The following HS3ST5 variants were observed in gnomAD, a reference collection of about 807,000 sequenced individuals.
HS3ST5 encodes the protein heparan sulfate-glucosamine 3-sulfotransferase 5.
Under a neutral mutation model 25.4 loss-of-function variants are expected in HS3ST5, and 10 were observed. That is an observed-to-expected ratio of 0.39 (90% confidence interval 0.24 to 0.67). The LOEUF (loss-of-function observed/expected upper bound fraction) is 0.67. HS3ST5 is among the 30% of genes least tolerant of loss of function. The pLI is 0.44. For synonymous variants in HS3ST5, 170 were observed against 162.4 expected, an observed-to-expected ratio of 1.05 and a Z score of -0.36; for missense variants, 324 against 420.7, an observed-to-expected ratio of 0.77 and a Z score of 2.01.
chr6:114,073,115 C>T (rs1773920220), intron 3 of HS3ST5, among the ~76,000 whole-genome samples: 1 of 152,168 alleles, frequency 6.6e-6, no homozygotes, highest in Non-Finnish European at 1.5e-5. Flanking sequence ...AACTGGATCC[C>T]TTCCTTACAC....
chr6:114,290,653 G>A (rs1221929525), intron 1 of HS3ST5, among the ~76,000 whole-genome samples: 1 of 152,076 alleles, frequency 6.6e-6, no homozygotes, highest in Non-Finnish European at 1.5e-5. Context: ...ATGCCAGATG[G>A]TATATCAGAG....
chr6:114,141,930 G>C (rs1369860088), intron 3 of HS3ST5, among the ~76,000 whole-genome samples: 2 of 150,794 alleles, frequency 1.3e-5, no homozygotes, highest in Non-Finnish European at 3.0e-5. Context: ...CCTGCCATGC[G>C]AATGGCTCTC....
chr6:114,092,503 A>T (rs1323971508), intron 3 of HS3ST5, among the ~76,000 whole-genome samples: 1 of 152,188 alleles, frequency 6.6e-6, no homozygotes, highest in Non-Finnish European at 1.5e-5. Flanking sequence ...GGTTTTATGG[A>T]TCACAAGAGG....
chr6:114,214,282 A>T (rs986092031), intron 2 of HS3ST5, among the ~76,000 whole-genome samples: 5 of 152,188 alleles, frequency 3.3e-5, no homozygotes, highest in Admixed American at 6.6e-5. Flanking sequence ...ACTTTTAACT[A>T]AACATTCCAG....
intron 3 of HS3ST5, among the ~76,000 whole-genome samples, chr6:114,073,067 G>C (rs1773917452): frequency 6.6e-6 from 1 of 152,144 alleles, no homozygotes; most frequent in Non-Finnish European, 1.5e-5. Flanking sequence ...TTAATAAATG[G>C]TGCTGGGAAA....
chr6:114,086,804 G>A (rs1774861812), intron 3 of HS3ST5, among the ~76,000 whole-genome samples: 1 of 152,190 alleles, frequency 6.6e-6, no homozygotes, highest in South Asian at 2.1e-4. Context: ...TCACCTTCAA[G>A]AGATACATTG....
At chr6:114,192,987 T>A (rs903389391) in intron 2 of HS3ST5, among the ~76,000 whole-genome samples, 8 of 152,198 alleles carry the variant, frequency 5.3e-5, no homozygotes, top group African/African-American at 1.9e-4. Context: ...CCCCACCTTT[T>A]TAAAAGTTTA....
Position 114,062,786 on chromosome 6 carries a change from G to A in HS3ST5, c.60C>T (p.Ala20=), listed in dbSNP as rs769961503. The A allele has an allele frequency of 8.7e-6, 14 of 1,613,908 alleles. No homozygotes were observed. Among genetic ancestry groups the A allele is most frequent in the East Asian group, 2.2e-5 (1 of 44,876 alleles). The change falls in exon 4 of 5, where the codon GCC becomes GCT. Residue 20 remains alanine, a synonymous_variant. Coordinates refer to ENST00000312719, the MANE Select transcript of HS3ST5 (RefSeq NM_153612.4). ...CGACTAGATACAGGAGACTCCCAAC[G>A]GCAAGGCTTCCCAGCACCAGGAGCT... ...RQKLLVLGSL[A]VGSLLYLVAR...
chr6:114,284,948 T>C (rs927262062), intron 1 of HS3ST5, among the ~76,000 whole-genome samples: 15 of 152,102 alleles, frequency 9.9e-5, no homozygotes, highest in Admixed American at 2.0e-4. Flanking sequence ...CTATATAATA[T>C]GACCCATTAT....
intron 3 of HS3ST5, among the ~76,000 whole-genome samples, chr6:114,128,453 T>C (rs1264898789): frequency 6.6e-6 from 1 of 151,872 alleles, no homozygotes; most frequent in Non-Finnish European, 1.5e-5. Flanking sequence ...TGTCAGGCAC[T>C]TTTCCAAGGC....
chr6:114,201,670 C>T (rs1343048144), intron 2 of HS3ST5, among the ~76,000 whole-genome samples: 1 of 152,118 alleles, frequency 6.6e-6, no homozygotes, highest in Admixed American at 6.5e-5. Context: ...GGTCCGTTCT[C>T]AGGCTGCTAA....
At chr6:114,153,605 T>G (rs1778562362) in intron 3 of HS3ST5, among the ~76,000 whole-genome samples, 1 of 152,206 alleles carries the variant, frequency 6.6e-6, no homozygotes, top group Non-Finnish European at 1.5e-5. Flanking sequence ...TCTCATTCAT[T>G]TGCTCTTCTG....
At chr6:114,224,001 C>T (rs1250632885) in intron 2 of HS3ST5, among the ~76,000 whole-genome samples, 1 of 151,540 alleles carries the variant, frequency 6.6e-6, no homozygotes, top group Non-Finnish European at 1.5e-5. Context: ...GATCATATAC[C>T]TTCATTATGT....
At position 114,138,461 on chromosome 6, in the gene HS3ST5, AG is replaced by A. The variant is rs1777744606; in HGVS notation, c.-33+29889del. 2.6e-5 allele frequency among the ~76,000 whole-genome samples: 4 copies of A among 152,298 alleles called. No individual in the cohort carries two copies. The South Asian group carries it at 8.3e-4, about 32-fold the overall frequency. Reference sequence around the variant, plus strand: ...ATGGAATGGTGGAAATGTGGGCAAAAGGTCTTGATGTCTGAAGAGGCCACAT... The same window carrying A: ...ATGGAATGGTGGAAATGTGGGCAAAAGTCTTGATGTCTGAAGAGGCCACAT... On this transcript the variant is annotated intron_variant, in intron 3 of 4. Coordinates refer to ENST00000312719, the MANE Select transcript of HS3ST5 (RefSeq NM_153612.4).
intron 2 of HS3ST5, among the ~76,000 whole-genome samples, chr6:114,201,164 T>A (rs917391176): frequency 6.6e-6 from 1 of 152,202 alleles, no homozygotes; most frequent in African/African-American, 2.4e-5. Flanking sequence ...AGTACTAAAT[T>A]TGATCTTTCT....
chr6:114,260,254 TAAC>T, intron 1 of HS3ST5, among the ~76,000 whole-genome samples: 1 of 152,176 alleles, frequency 6.6e-6, no homozygotes, highest in Non-Finnish European at 1.5e-5. Context: ...TTGATGAACA[TAAC>T]AACAGTTATA....
chr6:114,127,855 TAGAGAG>T (rs796967703), intron 3 of HS3ST5, among the ~76,000 whole-genome samples: 1 of 147,046 alleles, frequency 6.8e-6, no homozygotes, highest in African/African-American at 2.5e-5. Flanking sequence ...TATATATATA[TAGAGAG>T]AGAGAGAGAG....
At chr6:114,254,343 A>G (rs917546383) in intron 1 of HS3ST5, among the ~76,000 whole-genome samples, 1 of 152,264 alleles carries the variant, frequency 6.6e-6, no homozygotes, top group Non-Finnish European at 1.5e-5. Flanking sequence ...TATGGAAAAT[A>G]GTATTAATAT....
At chr6:114,190,623 A>G (rs1780456116) in intron 2 of HS3ST5, among the ~76,000 whole-genome samples, 1 of 152,182 alleles carries the variant, frequency 6.6e-6, no homozygotes, top group African/African-American at 2.4e-5. Flanking sequence ...GTATTTGTCA[A>G]CTGAGTGAAA....
Sources: allele counts gnomAD v4.1 joint callset (sites outside exome capture counted in the v4.1 genomes callset), GRCh38; gene constraint gnomAD v4.1.1; transcripts MANE v1.5; gene names NCBI Gene and HGNC (gene_info 2026-07-23, HGNC 2026-07-21).